RAB3IP: variants seen among roughly 807,000 people sequenced by gnomAD.
RAB3IP encodes rab-3A-interacting protein.
RAB3IP carries 36 observed loss-of-function variants against 59.1 expected under a neutral mutation model. The ratio of observed to expected loss-of-function variants is 0.61; its 90% CI spans 0.47 to 0.80. The LOEUF (loss-of-function observed/expected upper bound fraction) is 0.80, where lower values mean the gene tolerates loss of function less well. RAB3IP is among the 30% of genes least tolerant of loss of function. The pLI, the probability that RAB3IP is intolerant of heterozygous loss-of-function variation, is 0.00. For missense variants in RAB3IP, 511 were observed against 536.0 expected, an observed-to-expected ratio of 0.95 and a Z score of 0.46; for synonymous variants, 207 against 191.2, an observed-to-expected ratio of 1.08 and a Z score of -0.68.
At chr12:69,798,444 G>T (rs980013328) in intron 6 of RAB3IP, among the ~76,000 whole-genome samples, 2 of 151,242 alleles carry the variant, frequency 1.3e-5, no homozygotes. Context: ...AGATGAGTAG[G>T]TTGCGAAAAT....
chr12:69,759,837 G>C (rs1165408177), intron 3 of RAB3IP, among the ~76,000 whole-genome samples: 2 of 151,782 alleles, frequency 1.3e-5, no homozygotes, highest in Non-Finnish European at 2.9e-5. Flanking sequence ...CCGGGCGGAG[G>C]GGCTCCTCAC....
intron 8 of RAB3IP, among the ~76,000 whole-genome samples, chr12:69,809,939 G>A (rs1011347875): frequency 6.6e-6 from 1 of 152,214 alleles, no homozygotes; most frequent in African/African-American, 2.4e-5. Context: ...CGTTGCTGGT[G>A]AGGAGCTGCG....
At chr12:69,796,380 C>G (rs1345918492) in intron 6 of RAB3IP, 1 of 286,928 alleles carries the variant, frequency 3.5e-6, no homozygotes, top group Non-Finnish European at 6.4e-6. Flanking sequence ...ATATTTTGAG[C>G]TGTTTAGAGT....
At chr12:69,752,832 C>T (rs1267344000) in intron 1 of RAB3IP, among the ~76,000 whole-genome samples, 1 of 151,908 alleles carries the variant, frequency 6.6e-6, no homozygotes, top group Non-Finnish European at 1.5e-5. Flanking sequence ...AGTGTACTTG[C>T]CTGAACTATA....
intron 6 of RAB3IP, among the ~76,000 whole-genome samples, chr12:69,798,062 T>G (rs1475463769): frequency 1.3e-5 from 2 of 152,198 alleles, no homozygotes; most frequent in African/African-American, 4.8e-5. Context: ...CTGGGTCAAA[T>G]GGTATTTCTA....
intron 10 of RAB3IP, 81 bp downstream of exon 10, chr12:69,813,114 A>G (rs747607039): frequency 5.5e-6 from 5 of 913,630 alleles, no homozygotes; most frequent in South Asian, 3.2e-5. Flanking sequence ...AAAGTATAGA[A>G]TAGTAGTAAT....
chr12:69,770,857 TTC>T (rs1872993943), intron 3 of RAB3IP, among the ~76,000 whole-genome samples: 2 of 152,214 alleles, frequency 1.3e-5, no homozygotes, highest in African/African-American at 4.8e-5. Flanking sequence ...TATTTATTGT[TTC>T]TTTGTGATGA....
At chr12:69,751,280 T>G (rs1368571809) in intron 1 of RAB3IP, among the ~76,000 whole-genome samples, 1 of 152,202 alleles carries the variant, frequency 6.6e-6, no homozygotes, top group Non-Finnish European at 1.5e-5. Flanking sequence ...ATCAGTCCAG[T>G]AGTTTTTGAT....
At chr12:69,784,917 GTATATT>G (rs1261780947) in intron 4 of RAB3IP, 102 bp downstream of exon 4, 8 of 632,738 alleles carry the variant, frequency 1.3e-5, no homozygotes, top group Non-Finnish European at 2.0e-5. Context: ...TTAGCTTCAT[GTATATT>G]TATAAGTCCT....
chr12:69,797,583 T>C (rs1192753285), intron 6 of RAB3IP, among the ~76,000 whole-genome samples: 1 of 151,050 alleles, frequency 6.6e-6, no homozygotes, highest in Non-Finnish European at 1.5e-5. Flanking sequence ...GCAGGTTAGT[T>C]ACAGATGTAT....
intron 1 of RAB3IP, among the ~76,000 whole-genome samples, chr12:69,747,826 T>C (rs901594306): frequency 5.3e-5 from 8 of 152,156 alleles, no homozygotes; most frequent in African/African-American, 1.9e-4. Flanking sequence ...ATGAAGATAT[T>C]TGGGCTCAGA....
Position 69,755,659 on chromosome 12 carries a change from G to C in RAB3IP, c.251G>C (p.Ser84Thr), listed in dbSNP as rs1417444769. 6.2e-7 allele frequency: 1 copy of C among 1,602,838 alleles called. No individual in the cohort carries two copies. The highest frequency in any genetic ancestry group is 1.3e-5 in the African/African-American group (1 of 74,454). The change falls in exon 2 of 11, where the codon AGC (serine) becomes ACC (threonine). Residue 84 changes from serine to threonine, a missense_variant and splice_region_variant. By Grantham distance (58) the Ser-to-Thr change is moderately conservative. Coordinates refer to ENST00000247833, the MANE Select transcript of RAB3IP (RefSeq NM_022456.5). ...AATTGTGCGGAAATATCTAGTATCA[G>C]GTAGGAAATAAGTAAATCACTTATT... ...RLNCAEISSI[S>T]FHVTDPAPCS...
intron 1 of RAB3IP, among the ~76,000 whole-genome samples, chr12:69,751,512 C>T (rs1476588964): frequency 6.6e-6 from 1 of 151,988 alleles, no homozygotes; most frequent in African/African-American, 2.4e-5. Context: ...TCTGGTGTTT[C>T]TGAGTAAAAT....
At chr12:69,769,243 G>A (rs565970044) in intron 3 of RAB3IP, among the ~76,000 whole-genome samples, 1 of 152,220 alleles carries the variant, frequency 6.6e-6, no homozygotes, top group East Asian at 1.9e-4. Flanking sequence ...AGACTAATAC[G>A]TGCCCAGATT....
At chr12:69,795,419 T>A in intron 6 of RAB3IP, 75 bp downstream of exon 6, 2 of 1,262,028 alleles carry the variant, frequency 1.6e-6, no homozygotes, top group Non-Finnish European at 2.3e-6. Flanking sequence ...TCAGTTATCA[T>A]TTTTGCCAGC....
chr12:69,788,311 C>A (rs1431784828), intron 4 of RAB3IP, among the ~76,000 whole-genome samples: 3 of 152,086 alleles, frequency 2.0e-5, no homozygotes, highest in Admixed American at 1.3e-4. Flanking sequence ...TATTACACAC[C>A]TTGGCTATAT....
At chr12:69,793,825 G>A (rs1877024461) in intron 4 of RAB3IP, among the ~76,000 whole-genome samples, 1 of 152,154 alleles carries the variant, frequency 6.6e-6, no homozygotes, top group Non-Finnish European at 1.5e-5. Context: ...AATGTCTCAT[G>A]AATAAACATT....
chr12:69,807,774 C>T (rs1181875990), intron 8 of RAB3IP, among the ~76,000 whole-genome samples: 2 of 149,096 alleles, frequency 1.3e-5, no homozygotes, highest in East Asian at 2.0e-4. Flanking sequence ...GGCAGAGGCG[C>T]TCCTCACCTC....
chr12:69,743,118 C>G (rs1887511996), intron 1 of RAB3IP, among the ~76,000 whole-genome samples: 1 of 152,068 alleles, frequency 6.6e-6, no homozygotes, highest in Non-Finnish European at 1.5e-5. Flanking sequence ...AGAAACTATT[C>G]AAGAATGTGA....
Sources: allele counts gnomAD v4.1 joint callset (sites outside exome capture counted in the v4.1 genomes callset), GRCh38; gene constraint gnomAD v4.1.1; transcripts MANE v1.5; gene names NCBI Gene and HGNC (gene_info 2026-07-23, HGNC 2026-07-21).